Variants in ASTN2 observed in about 807,000 individuals in gnomAD.
The protein encoded by ASTN2 is astrotactin 2, also known as astrotactin-2.
Under a neutral mutation model 139.8 loss-of-function variants are expected in ASTN2, and 54 were observed. The observed-to-expected ratio is 0.39, with a 90% CI of 0.31 to 0.48. The LOEUF (loss-of-function observed/expected upper bound fraction) is 0.48. ASTN2 is among the 20% of genes least tolerant of loss of function. ASTN2 has a pLI of 0.95. For missense variants in ASTN2, 1,565 were observed against 1,725.1 expected, an observed-to-expected ratio of 0.91 and a Z score of 1.64; for synonymous variants, 756 against 719.5, an observed-to-expected ratio of 1.05 and a Z score of -0.81.
intron 16 of ASTN2, among the ~76,000 whole-genome samples, chr9:116,710,660 G>A (rs891712218): frequency 7.0e-6 from 1 of 143,532 alleles, no homozygotes; most frequent in Non-Finnish European, 1.5e-5. Flanking sequence ...TCGAGCCCAG[G>A]AGGTGGAGGT....
At chr9:116,581,116 T>C (rs1284801216) in intron 19 of ASTN2, among the ~76,000 whole-genome samples, 1 of 152,170 alleles carries the variant, frequency 6.6e-6, no homozygotes, top group Non-Finnish European at 1.5e-5. Context: ...TTGACCTTCC[T>C]GCCGTTAAGC....
intron 3 of ASTN2, among the ~76,000 whole-genome samples, chr9:117,196,593 A>G: frequency 6.6e-6 from 1 of 152,148 alleles, no homozygotes; most frequent in East Asian, 1.9e-4. Flanking sequence ...GCTGGTATTT[A>G]AGGGTATATC....
At chr9:117,059,138 G>T (rs758210354) in intron 5 of ASTN2, among the ~76,000 whole-genome samples, 2 of 152,152 alleles carry the variant, frequency 1.3e-5, no homozygotes, top group Non-Finnish European at 2.9e-5. Flanking sequence ...ACTGGGGATG[G>T]AGAGAGTCAT....
At chr9:116,457,379 A>G (rs1848364317) in intron 20 of ASTN2, among the ~76,000 whole-genome samples, 1 of 152,152 alleles carries the variant, frequency 6.6e-6, no homozygotes, top group African/African-American at 2.4e-5. Flanking sequence ...AAAACTGCAC[A>G]GCAAAGGAAA....
intron 7 of ASTN2, among the ~76,000 whole-genome samples, chr9:117,000,927 C>T (rs1837173735): frequency 6.6e-6 from 1 of 152,170 alleles, no homozygotes; most frequent in Admixed American, 6.5e-5. Flanking sequence ...TAACAGTCAA[C>T]TCTCATGATG....
chr9:117,152,932 A>G (rs1443872580), intron 3 of ASTN2, among the ~76,000 whole-genome samples: 1 of 152,186 alleles, frequency 6.6e-6, no homozygotes, highest in African/African-American at 2.4e-5. Flanking sequence ...TATTAGTTTA[A>G]GGTAAATACA....
At chr9:116,440,215 C>A (rs1020501150) in intron 22 of ASTN2, among the ~76,000 whole-genome samples, 1 of 152,098 alleles carries the variant, frequency 6.6e-6, no homozygotes, top group East Asian at 1.9e-4. Context: ...TGTAAAAAAA[C>A]TCAGACTTCT....
At chr9:117,214,230 A>T in intron 3 of ASTN2, 128 bp downstream of exon 3, 1 of 1,154,122 alleles carries the variant, frequency 8.7e-7, no homozygotes, top group Non-Finnish European at 1.2e-6. Context: ...CAGAAATCTA[A>T]AGCCATAAAT....
chr9:116,512,504 G>A (rs573040603), intron 19 of ASTN2, among the ~76,000 whole-genome samples: 1 of 152,206 alleles, frequency 6.6e-6, no homozygotes, highest in Non-Finnish European at 1.5e-5. Flanking sequence ...GAGTTCTGTA[G>A]ATGTCTATTA....
chr9:116,658,929 G>A (rs1034526661), intron 16 of ASTN2, among the ~76,000 whole-genome samples: 6 of 151,996 alleles, frequency 3.9e-5, no homozygotes, highest in African/African-American at 4.8e-5. Flanking sequence ...TTGAAAGTAT[G>A]TTAGCAATGT....
intron 20 of ASTN2, among the ~76,000 whole-genome samples, chr9:116,443,135 G>A (rs746278200): frequency 2.0e-5 from 3 of 152,236 alleles, no homozygotes; most frequent in Non-Finnish European, 4.4e-5. Context: ...GGGAGCATGG[G>A]GAGTATGGGC....
chr9:116,489,950 C>A (rs1235396126), intron 19 of ASTN2, among the ~76,000 whole-genome samples: 1 of 152,176 alleles, frequency 6.6e-6, no homozygotes, highest in African/African-American at 2.4e-5. Context: ...AGACTGAGTA[C>A]TAATTCCACC....
chr9:117,129,792 G>A (rs1829786203), intron 4 of ASTN2, among the ~76,000 whole-genome samples: 1 of 151,606 alleles, frequency 6.6e-6, no homozygotes, highest in African/African-American at 2.4e-5. Context: ...TTCTTTTTTG[G>A]TTAATTAATA....
At position 116,936,661 on chromosome 9, in the gene ASTN2, A is replaced by ATGC. The variant is rs1274342389; in HGVS notation, c.1889+38546_1889+38547insGCA. Among the ~76,000 whole-genome samples the ATGC allele has an allele frequency of 1.1e-4, 16 of 152,242 alleles. No homozygotes were observed. The East Asian group carries it at 3.1e-3, about 30-fold the overall frequency. On this transcript the variant is annotated intron_variant, in intron 10 of 22. Transcript: ENST00000313400. ...ACATTTCTCTCTTCCAGGAATTTTC[A>ATGC]AGCTGTAAAGTTTGGGTTTTCTGAC...
chr9:117,091,224 C>T (rs1298034817), intron 5 of ASTN2, among the ~76,000 whole-genome samples: 1 of 152,200 alleles, frequency 6.6e-6, no homozygotes, highest in African/African-American at 2.4e-5. Context: ...ATCCTGAACA[C>T]CTATAAGCCA....
intron 2 of ASTN2, among the ~76,000 whole-genome samples, chr9:117,274,267 CT>C (rs1834133118): frequency 6.6e-6 from 1 of 152,092 alleles, no homozygotes; most frequent in Admixed American, 6.5e-5. Context: ...GGAGAATCGC[CT>C]GACTCTGGGA....
chr9:116,808,920 C>A (rs905370786), intron 12 of ASTN2, among the ~76,000 whole-genome samples: 1 of 152,092 alleles, frequency 6.6e-6, no homozygotes, highest in African/African-American at 2.4e-5. Flanking sequence ...TTTCATGTTA[C>A]GGTCACTTGC....
chr9:117,120,036 A>G lies in ASTN2; in HGVS notation c.1168+21290T>C, dbSNP rs921441313. On this transcript the variant is annotated intron_variant, in intron 4 of 22. Transcript: ENST00000313400. ...TGTGTGTGTATATATATATATATATATATATATATATATACCCTGAGTATA... is the reference window on the plus strand; with the variant it reads ...TGTGTGTGTATATATATATATATATGTATATATATATATACCCTGAGTATA... Among the ~76,000 whole-genome samples, 43 of 120,594 alleles carry G rather than the reference A, an allele frequency of 3.6e-4. 2 individuals carry two copies. In the South Asian group the frequency reaches 3.9e-3, roughly 11 times the overall value. 79.1% of individuals were successfully genotyped at this position (120,594 alleles called of 152,430 possible).
At chr9:116,949,926 A>C (rs575662021) in intron 10 of ASTN2, among the ~76,000 whole-genome samples, 2 of 152,186 alleles carry the variant, frequency 1.3e-5, no homozygotes, top group South Asian at 4.2e-4. Context: ...ACACACTTAG[A>C]CCACTGTCTA....
Sources: gnomAD v4.1 joint callset for allele counts (sites outside exome capture counted in the v4.1 genomes callset) on GRCh38, gnomAD v4.1.1 for gene constraint, MANE v1.5 for transcripts, NCBI Gene and HGNC (gene_info 2026-07-23, HGNC 2026-07-21) for gene names.